MYO19: variants seen among roughly 807,000 people sequenced by gnomAD.
MYO19 encodes unconventional myosin-XIX.
A neutral mutation model predicts 129.2 loss-of-function variants in MYO19; 132 were observed. The ratio of observed to expected loss-of-function variants is 1.02; its 90% CI spans 0.89 to 1.18. The LOEUF (loss-of-function observed/expected upper bound fraction) is 1.18. Ranked by LOEUF, MYO19 falls within the 50% of genes most tolerant of loss-of-function variation. MYO19 has a pLI of 0.00. For synonymous variants in MYO19, 531 were observed against 477.2 expected, an observed-to-expected ratio of 1.11 and a Z score of -1.47; for missense variants, 1,210 against 1,216.7, an observed-to-expected ratio of 0.99 and a Z score of 0.08.
At chr17:36,516,197 C>A (rs976166240) in intron 6 of MYO19, among the ~76,000 whole-genome samples, 1 of 152,170 alleles carries the variant, frequency 6.6e-6, no homozygotes. Context: ...TTTCTCTCAG[C>A]TCTGTGGCAG....
chr17:36,513,175 G>A, intron 11 of MYO19: 1 of 1,416,152 alleles, frequency 7.1e-7, no homozygotes, highest in Non-Finnish European at 9.2e-7. Context: ...CTTGCTCTCT[G>A]CCCCCATGGA....
rs1237666615 is a variant in MYO19 at position 36,501,189 on chromosome 17, C to T, written c.2127G>A (p.Gln709=). ...SEEATLEPLI[Q]DILHTLPVLT... ...GGACCGGCAGAGTGTGGAGAATGTCCTGGATGAGAGGTTCAAGCGTGGCTT... is the reference window on the plus strand; with the variant it reads ...GGACCGGCAGAGTGTGGAGAATGTCTTGGATGAGAGGTTCAAGCGTGGCTT... Residue 709 remains glutamine (Q), a synonymous_variant, in exon 22 of 26, where the codon CAG becomes CAA. Coordinates refer to ENST00000614623, the MANE Select transcript of MYO19 (RefSeq NM_001163735.2). 3.1e-6 allele frequency: 5 copies of T among 1,613,974 alleles called. No individual in the cohort carries two copies. The highest frequency in any genetic ancestry group is 1.7e-5 in the Admixed American group (1 of 60,018).
chr17:36,530,508 G>A (rs1171912759), intron 3 of MYO19, among the ~76,000 whole-genome samples: 2 of 144,096 alleles, frequency 1.4e-5, no homozygotes, highest in Non-Finnish European at 3.0e-5. Context: ...CCAGGCTGGA[G>A]TGCAGTGGCG....
chr17:36,539,107 CT>C (rs1468938499), upstream of MYO19: 2 of 167,202 alleles, frequency 1.2e-5, no homozygotes, highest in African/African-American at 4.8e-5. Flanking sequence ...GAAACAAAGC[CT>C]TTTGACTTGT....
intron 11 of MYO19, among the ~76,000 whole-genome samples, chr17:36,512,389 CAAAAAAA>C (rs551345278): frequency 1.1e-3 from 86 of 77,922 alleles, no homozygotes; most frequent in African/African-American, 3.6e-3. Flanking sequence ...AACTCCATCT[CAAAAAAA>C]AAAAAAAAAA....
At chr17:36,527,256 T>C (rs2073529259) in intron 5 of MYO19, among the ~76,000 whole-genome samples, 1 of 152,130 alleles carries the variant, frequency 6.6e-6, no homozygotes, top group Admixed American at 6.5e-5. Context: ...ATAAATCCTT[T>C]CCTGTTAATA....
chr17:36,531,010 G>A (rs1007758441), intron 3 of MYO19, among the ~76,000 whole-genome samples: 17 of 152,114 alleles, frequency 1.1e-4, no homozygotes, highest in African/African-American at 3.9e-4. Flanking sequence ...TGAGGCAGAC[G>A]GATCACTTGA....
Position 36,503,149 on chromosome 17 carries a change from A to ATG in MYO19, c.2026_2027dup (p.Pro677IlefsTer43). 2 of 1,614,034 alleles carry ATG rather than the reference A, an allele frequency of 1.2e-6. No individual in the cohort carries two copies. The highest frequency in any genetic ancestry group is 1.7e-6 in the Non-Finnish European group (2 of 1,179,898). ...TGTCGGGGCCAGAGGATGTGCAAGGATGAAGCCTTCTTAGTAACTTGTATC... is the reference window on the plus strand; with the variant it reads ...TGTCGGGGCCAGAGGATGTGCAAGGATGTGAAGCCTTCTTAGTAACTTGTATC... On this transcript the variant is annotated frameshift_variant, in exon 21 of 26. Transcript: ENST00000614623. LOFTEE classifies it high-confidence loss of function.
rs753552402 is a variant in MYO19 at position 36,507,930 on chromosome 17, A to T, written c.1232-6T>A. On this transcript the variant is annotated splice_region_variant and splice_polypyrimidine_tract_variant and intron_variant, in intron 14 of 25. Coordinates refer to ENST00000614623, the MANE Select transcript of MYO19 (RefSeq NM_001163735.2). ...TCCATACACATCCAGCAGGCCTGGG[A>T]AGATGGCAGAGAACCCATGGGGCCA... 3 of 1,594,290 alleles carry T rather than the reference A, an allele frequency of 1.9e-6. No homozygotes were observed. In the South Asian group the frequency reaches 3.4e-5, roughly 18 times the overall value.
At chr17:36,505,992 C>T (rs1599255847) in intron 18 of MYO19, among the ~76,000 whole-genome samples, 1 of 152,034 alleles carries the variant, frequency 6.6e-6, no homozygotes, top group Non-Finnish European at 1.5e-5. Context: ...GGAAAAGGGG[C>T]GTGGAGGATG....
chr17:36,503,041 G>A (rs2071638336), intron 21 of MYO19, 56 bp downstream of exon 21: 3 of 1,428,430 alleles, frequency 2.1e-6, no homozygotes, highest in Non-Finnish European at 3.0e-6. Context: ...AGGGCACAGG[G>A]TAGATGCTCA....
At chr17:36,514,781 C>T (rs889589861) in intron 8 of MYO19, among the ~76,000 whole-genome samples, 1 of 152,244 alleles carries the variant, frequency 6.6e-6, no homozygotes, top group South Asian at 2.1e-4. Context: ...TCACTTTGCT[C>T]TACCCCAAGA....
intron 3 of MYO19, 142 bp from the exon 4 acceptor site, chr17:36,528,344 T>C (rs2142392364): frequency 3.4e-6 from 3 of 882,776 alleles, no homozygotes; most frequent in Non-Finnish European, 5.0e-6. Context: ...CCGTCTCTAC[T>C]AAAAAAAATT....
intron 13 of MYO19, chr17:36,509,772 C>G (rs1240871303): frequency 6.5e-6 from 1 of 152,842 alleles, no homozygotes; most frequent in Non-Finnish European, 1.5e-5. Context: ...TAAACTGGCT[C>G]TTTTTGCAAC....
At chr17:36,511,569 TG>T in intron 11 of MYO19, 114 bp from the exon 12 acceptor site, 1 of 876,744 alleles carries the variant, frequency 1.1e-6, no homozygotes, top group Non-Finnish European at 1.8e-6. Flanking sequence ...CTCCCAATCA[TG>T]GCCCAAGTGC....
At chr17:36,524,415 T>A (rs941411920) in intron 6 of MYO19, among the ~76,000 whole-genome samples, 1 of 152,126 alleles carries the variant, frequency 6.6e-6, no homozygotes, top group Non-Finnish European at 1.5e-5. Context: ...GTCCAAAGAG[T>A]TCCTCATGAA....
Position 36,514,518 on chromosome 17 carries a change from C to A in MYO19, c.648G>T (p.Gln216His), listed in dbSNP as rs1355792161. ...CTCGAGTTTTCTCTAGGAGGTAGGT[C>A]TGGACTGCGGCTCCAGTCATTTGCT... ...RAQQMTGAAV[Q>H]TYLLEKTRVA... Residue 216 changes from glutamine to histidine, a missense_variant, in exon 9 of 26, where the codon CAG becomes CAT. Coordinates refer to ENST00000614623, the MANE Select transcript of MYO19 (RefSeq NM_001163735.2). 6.2e-7 allele frequency: 1 copy of A among 1,613,420 alleles called. No homozygotes were observed. The highest frequency in any genetic ancestry group is 8.5e-7 in the Non-Finnish European group (1 of 1,179,384).
At chr17:36,503,025 TA>T in intron 21 of MYO19, 71 bp downstream of exon 21, 1 of 1,348,220 alleles carries the variant, frequency 7.4e-7, no homozygotes, top group Non-Finnish European at 1.1e-6. Context: ...CCCCTAGCCC[TA>T]AGACAGGGCA....
rs1599168655 is a variant in MYO19, at chr17:36,496,150, T to C, written c.*101A>G. 1 of 1,465,616 alleles carries C rather than the reference T, an allele frequency of 6.8e-7. No individual in the cohort carries two copies. The highest frequency in any genetic ancestry group is 9.4e-7 in the Non-Finnish European group (1 of 1,066,264). 90.8% of individuals were successfully genotyped at this position (1,465,616 alleles called of 1,614,324 possible). A position where few individuals can be genotyped will look rare whatever the true frequency, so the allele number is the denominator to read the frequency against. ...AGCCGTCACTGTTGTTCATGTGCATTTGGAGCACTGTGGGAATAGTCTGGC... is the reference window on the plus strand; with the variant it reads ...AGCCGTCACTGTTGTTCATGTGCATCTGGAGCACTGTGGGAATAGTCTGGC... On this transcript the variant is annotated 3_prime_UTR_variant, in exon 26 of 26. Coordinates refer to ENST00000614623, the MANE Select transcript of MYO19 (RefSeq NM_001163735.2).
Sources: gnomAD v4.1 joint callset for allele counts (sites outside exome capture counted in the v4.1 genomes callset) on GRCh38, gnomAD v4.1.1 for gene constraint, MANE v1.5 for transcripts, NCBI Gene and HGNC (gene_info 2026-07-23, HGNC 2026-07-21) for gene names.